DCHS2: variants seen among roughly 807,000 people sequenced by gnomAD.
The protein encoded by DCHS2 is dachsous cadherin-related 2.
In DCHS2, 142 loss-of-function variants were observed where a neutral mutation model predicts 182.4. That is an observed-to-expected ratio of 0.78 (90% confidence interval 0.68 to 0.89). DCHS2 has a LOEUF of 0.89. Ranked by LOEUF, DCHS2 falls within the 40% of genes least tolerant of loss-of-function variation. The pLI, the probability that DCHS2 is intolerant of heterozygous loss-of-function variation, is 0.00. For missense variants in DCHS2, 4,319 were observed against 4,198.6 expected (o/e 1.03, Z -0.79); for synonymous variants, 1,740 against 1,663.3 (o/e 1.05, Z -1.12).
At chr4:154,292,806 C>T (rs1014299381) in intron 13 of DCHS2, among the ~76,000 whole-genome samples, 1 of 152,110 alleles carries the variant, frequency 6.6e-6, no homozygotes, top group African/African-American at 2.4e-5. Flanking sequence ...GGTGGCAGCC[C>T]ACTACCTCAC....
intron 7 of DCHS2, among the ~76,000 whole-genome samples, chr4:154,324,883 C>T (rs1024278621): frequency 1.2e-4 from 19 of 152,116 alleles, no homozygotes; most frequent in African/African-American, 4.6e-4. Context: ...ATGATACATA[C>T]CTTTATTCCC....
rs1181161750 is a variant in DCHS2 at position 154,302,983 on chromosome 4, ATT to A, written c.5605+1684_5605+1685del. On this transcript the variant is annotated intron_variant, in intron 12 of 19. Coordinates refer to ENST00000357232, the MANE Select transcript of DCHS2 (RefSeq NM_001358235.2). The stretch of plus-strand genomic sequence containing the variant: ...CACACACACACCCACACACACACAT[ATT>A]TTTTTTTTTTTTTGAGACAAAGTCT... Among the ~76,000 whole-genome samples, 59 of 103,808 alleles carry A rather than the reference ATT, an allele frequency of 5.7e-4. 2 individuals are homozygous for A. Among genetic ancestry groups the A allele is most frequent in the African/African-American group, 1.9e-3 (54 of 28,358 alleles). The allele number at this position is 103,808 out of a possible 152,430, so 68.1% of individuals were successfully genotyped here.
At chr4:154,375,171 T>C (rs748998586) in intron 2 of DCHS2, among the ~76,000 whole-genome samples, 65 of 152,016 alleles carry the variant, frequency 4.3e-4, no homozygotes, top group Non-Finnish European at 8.1e-4. Context: ...TTCTTCCCAC[T>C]AGATTGAAAA....
At position 154,322,413 on chromosome 4, in the gene DCHS2, T is replaced by C. The variant is rs376741807; in HGVS notation, c.4094A>G (p.Tyr1365Cys). Residue 1365 changes from tyrosine (Y) to cysteine (C), a missense_variant, in exon 8 of 20, where the codon TAT (tyrosine) becomes TGT (cysteine). Coordinates refer to ENST00000357232, the MANE Select transcript of DCHS2 (RefSeq NM_001358235.2). ...GACACTCATTCTGTAGGAAGGTCTA[T>C]AATCATACGAAAGTATTGTGGTTGT... Reference protein sequence around the residue: ...IRTTTILSYDYRPSYRMSVIA... With the variant: ...IRTTTILSYDCRPSYRMSVIA... 7 of 1,613,782 alleles carry C rather than the reference T, an allele frequency of 4.3e-6. No individual in the cohort carries two copies. Among genetic ancestry groups the C allele is most frequent in the East Asian group, 4.5e-5 (2 of 44,830 alleles).
chr4:154,489,224 C>T, intron 1 of DCHS2, 80 bp downstream of exon 1: 4 of 1,194,340 alleles, frequency 3.3e-6, no homozygotes, highest in East Asian at 2.6e-5. Flanking sequence ...TCCTCCACAT[C>T]ACAATTTCCT....
chr4:154,362,157 G>A (rs186296689), intron 3 of DCHS2, among the ~76,000 whole-genome samples: 538 of 152,266 alleles, frequency 3.5e-3, no homozygotes, highest in Non-Finnish European at 6.6e-3. Flanking sequence ...AATTCCCATT[G>A]TCAAGGCCAG....
At position 154,323,068 on chromosome 4, in the gene DCHS2, C is replaced by T. The variant is rs76619717; in HGVS notation, c.4019-580G>A. On this transcript the variant is annotated intron_variant, in intron 7 of 19. Coordinates refer to ENST00000357232, the MANE Select transcript of DCHS2 (RefSeq NM_001358235.2). ...TCTTTAATCTATGGATTCCTGCCACCCATCTCTCTATTTGTCCTTGCAATT... is the reference window on the plus strand; with the variant it reads ...TCTTTAATCTATGGATTCCTGCCACTCATCTCTCTATTTGTCCTTGCAATT... The T allele has an allele frequency of 7.4e-3, 6,073 of 825,268 alleles. 263 individuals carry two copies. In the African/African-American group the frequency reaches 0.087, roughly 12 times the overall value. The allele number at this position is 825,268 out of a possible 1,614,324, so 51.1% of individuals were successfully genotyped here. A position where few individuals can be genotyped will look rare whatever the true frequency, so the allele number is the denominator to read the frequency against.
At chr4:154,449,949 T>C (rs923180527) in intron 1 of DCHS2, among the ~76,000 whole-genome samples, 1 of 152,200 alleles carries the variant, frequency 6.6e-6, no homozygotes, top group Non-Finnish European at 1.5e-5. Flanking sequence ...CTCTCACCTT[T>C]CCACAAACAA....
Position 154,298,049 on chromosome 4 carries a change from A to G in DCHS2, c.6265T>C (p.Tyr2089His). The change falls in exon 13 of 20, where the codon TAC becomes CAC. Residue 2089 changes from tyrosine to histidine, a missense_variant. Tyr to His is a moderately conservative substitution (Grantham distance 83). Transcript: ENST00000357232. ...TGCTGAAATTGAATTTCTCCTGTGT[A>G]TTTATCAATAGAAAACATTGACTGG... The part of the protein sequence containing the change: ...ETQSMFSIDK[Y>H]TGEIQFQQNP... The G allele has an allele frequency of 6.2e-7, 1 of 1,614,078 alleles. No individual in the cohort carries two copies. The highest frequency in any genetic ancestry group is 8.5e-7 in the Non-Finnish European group (1 of 1,180,004).
chr4:154,373,890 C>T (rs780761235), intron 2 of DCHS2: 3 of 1,574,516 alleles, frequency 1.9e-6, no homozygotes, highest in Non-Finnish European at 2.6e-6. Context: ...TGTTAAAAGA[C>T]TCAGATTATA....
At chr4:154,442,539 C>G (rs374216321) in intron 1 of DCHS2, among the ~76,000 whole-genome samples, 3 of 80,850 alleles carry the variant, frequency 3.7e-5, no homozygotes, top group East Asian at 8.5e-4. Context: ...ACCCCCCCCC[C>G]CCCACACACA....
intron 13 of DCHS2, among the ~76,000 whole-genome samples, chr4:154,283,103 T>C (rs1454614159): frequency 6.6e-6 from 1 of 152,160 alleles, no homozygotes; most frequent in Non-Finnish European, 1.5e-5. Context: ...TGTGTAACAA[T>C]GTGCACACAG....
At position 154,490,552 on chromosome 4, in the gene DCHS2, T is replaced by C. The variant is rs1728782240; in HGVS notation, c.804A>G (p.Ala268=). 5.2e-6 allele frequency: 8 copies of C among 1,540,854 alleles called. No homozygotes were observed. The highest frequency in any genetic ancestry group is 1.4e-5 in the African/African-American group (1 of 72,988). ...TGCGCCGGGGTCGGCCGCCGTCCCATGCCTCGATCTGCAGCCGGTGCGCCG... is the reference window on the plus strand; with the variant it reads ...TGCGCCGGGGTCGGCCGCCGTCCCACGCCTCGATCTGCAGCCGGTGCGCCG... ...EAAAHRLQIE[A]WDGGRPRRTG... is the part of the protein sequence containing the mutation. Residue 268 remains alanine (A), a synonymous_variant, in exon 1 of 20, where the codon GCA becomes GCG. Transcript: ENST00000357232.
At position 154,233,406 on chromosome 4, in the gene DCHS2, GTTAAA is replaced by G. The variant is rs373599291; in HGVS notation, c.*1125_*1129del. 5.7e-4 allele frequency: 87 copies of G among 152,324 alleles called. No individual in the cohort carries two copies. The highest frequency in any genetic ancestry group is 1.7e-3 in the African/African-American group (71 of 41,580). The allele number at this position is 152,324 out of a possible 1,614,324, so 9.4% of individuals were successfully genotyped here. ...TGCCAAACTGCTCCATCTAATGACA[GTTAAA>G]TTAAAGCTGCAAGTGTGTGAGCAAA... On this transcript the variant is annotated 3_prime_UTR_variant, in exon 20 of 20. Transcript: ENST00000357232.
At chr4:154,451,572 G>T (rs943573801) in intron 1 of DCHS2, among the ~76,000 whole-genome samples, 3 of 152,124 alleles carry the variant, frequency 2.0e-5, no homozygotes, top group Admixed American at 6.5e-5. Flanking sequence ...ACAACCTTAT[G>T]GGAGAAAACT....
intron 1 of DCHS2, among the ~76,000 whole-genome samples, chr4:154,385,192 C>G (rs1474935711): frequency 6.6e-6 from 1 of 150,464 alleles, no homozygotes; most frequent in Non-Finnish European, 1.5e-5. Flanking sequence ...TTTGTCCTTG[C>G]AATAGTTTGC....
intron 6 of DCHS2, among the ~76,000 whole-genome samples, chr4:154,329,014 T>C (rs1424668955): frequency 1.3e-5 from 2 of 152,162 alleles, no homozygotes; most frequent in African/African-American, 4.8e-5. Context: ...TTATACAACA[T>C]ACAAAAAGAC....
At chr4:154,465,312 G>C (rs1285654807) in intron 1 of DCHS2, among the ~76,000 whole-genome samples, 2 of 152,132 alleles carry the variant, frequency 1.3e-5, no homozygotes, top group African/African-American at 4.8e-5. Context: ...TGCTCTCAAT[G>C]TGCTTCTCCC....
chr4:154,396,458 A>G (rs1421794959), intron 1 of DCHS2, among the ~76,000 whole-genome samples: 1 of 152,156 alleles, frequency 6.6e-6, no homozygotes, highest in Non-Finnish European at 1.5e-5. Flanking sequence ...TCCATTCTCT[A>G]ATCAGCTCTA....
Sources: gnomAD v4.1 joint callset for allele counts (sites outside exome capture counted in the v4.1 genomes callset) on GRCh38, gnomAD v4.1.1 for gene constraint, MANE v1.5 for transcripts, NCBI Gene and HGNC (gene_info 2026-07-23, HGNC 2026-07-21) for gene names.